GLI2: variants seen among roughly 807,000 people sequenced by gnomAD.
GLI2 encodes GLI family zinc finger 2.
GLI2 carries 22 observed loss-of-function variants against 78.9 expected under a neutral mutation model. That is an observed-to-expected ratio of 0.28 (90% CI 0.20 to 0.40). The LOEUF (loss-of-function observed/expected upper bound fraction) is 0.40. Ranked by LOEUF, GLI2 falls within the 10% of genes least tolerant of loss-of-function variation. The pLI is 1.00. For missense variants in GLI2, 2,097 were observed against 2,213.2 expected (o/e 0.95, Z 1.05); for synonymous variants, 974 against 963.7 (o/e 1.01, Z -0.20).
In GLI2 at chr2:120,990,064, C is replaced by T. The variant is rs763406790; in HGVS notation, c.4099C>T (p.Arg1367Cys). The change falls in exon 14 of 14, where the codon CGT becomes TGT. Residue 1367 changes from arginine (R) to cysteine (C), a missense_variant. By Grantham distance (180) the Arg-to-Cys change is radical. This residue lies in a region of GLI2 where 1,290 missense variants were observed against 1,261.7 expected (regional missense o/e 1.02). Transcript: ENST00000361492. The part of the protein sequence containing the change: ...PLEPSPTGRH[R>C]GVRAVQQQLA... ...CGAGCCCAGCCCCACTGGCCGCCAC[C>T]GTGGGGTACGTGCTGTGCAGCAGCA... is the stretch of plus-strand genomic sequence containing the variant. 7 of 1,599,902 alleles carry T rather than the reference C, an allele frequency of 4.4e-6. No homozygotes were observed. Among genetic ancestry groups the T allele is most frequent in the Non-Finnish European group, 6.0e-6 (7 of 1,172,390 alleles).
At chr2:120,906,378 C>T (rs1678534910) in intron 2 of GLI2, among the ~76,000 whole-genome samples, 1 of 152,152 alleles carries the variant, frequency 6.6e-6, no homozygotes, top group South Asian at 2.1e-4. Flanking sequence ...GGACTCCAGG[C>T]AGGCTGGAAA....
chr2:120,799,219 A>G (rs1684566967), intron 2 of GLI2, among the ~76,000 whole-genome samples: 1 of 152,180 alleles, frequency 6.6e-6, no homozygotes, highest in South Asian at 2.1e-4. Flanking sequence ...TTTGGAGTAC[A>G]GCACCTCCAC....
At chr2:120,860,446 T>A (rs1335183397) in intron 2 of GLI2, among the ~76,000 whole-genome samples, 1 of 152,224 alleles carries the variant, frequency 6.6e-6, no homozygotes, top group African/African-American at 2.4e-5. Context: ...TCAGGCCAGC[T>A]GTCAGTGTCC....
intron 2 of GLI2, among the ~76,000 whole-genome samples, chr2:120,831,137 A>T (rs1169149801): frequency 6.8e-6 from 1 of 147,954 alleles, no homozygotes; most frequent in Non-Finnish European, 1.5e-5. Context: ...GTCATTCTCC[A>T]TGTTTGTCCT....
rs538533199 is a variant in GLI2, at chr2:120,845,679, G to A, written c.148+48211G>A. Among the ~76,000 whole-genome samples the A allele has an allele frequency of 7.9e-5, 12 of 152,288 alleles. No homozygotes were observed. In the South Asian group the frequency reaches 2.3e-3, roughly 29 times the overall value. On this transcript the variant is annotated intron_variant, in intron 2 of 13. Transcript: ENST00000361492. ...GGCTCATTCTACCACTAATGAACTC[G>A]GGACACTGCCTGGACTCTTTCCTGA...
At chr2:120,748,133 A>C (rs1682747838) in intron 1 of GLI2, among the ~76,000 whole-genome samples, 1 of 152,214 alleles carries the variant, frequency 6.6e-6, no homozygotes, top group East Asian at 1.9e-4. Flanking sequence ...TGATCTGGAA[A>C]GGCATCATGG....
At chr2:120,954,045 C>T (rs563938013) in intron 4 of GLI2, among the ~76,000 whole-genome samples, 11 of 152,168 alleles carry the variant, frequency 7.2e-5, no homozygotes, top group Non-Finnish European at 1.5e-4. Flanking sequence ...CCCTGACTCC[C>T]ACAGGAAGTA....
chr2:120,820,247 T>C (rs900338236), intron 2 of GLI2, among the ~76,000 whole-genome samples: 5 of 152,196 alleles, frequency 3.3e-5, no homozygotes, highest in South Asian at 2.1e-4. Context: ...GGGGGCCAAT[T>C]TCTCCTCCTC....
chr2:120,924,556 C>CAT (rs1433504161), intron 2 of GLI2, among the ~76,000 whole-genome samples: 2 of 151,856 alleles, frequency 1.3e-5, no homozygotes. Context: ...CACACACACA[C>CAT]ACACACATAC....
At chr2:120,765,560 A>G (rs1298785514) in intron 1 of GLI2, among the ~76,000 whole-genome samples, 3 of 152,218 alleles carry the variant, frequency 2.0e-5, no homozygotes, top group Non-Finnish European at 4.4e-5. Context: ...GTCTGTACCC[A>G]GGCCGGGGCT....
At position 120,988,398 on chromosome 2, in the gene GLI2, C is replaced by G. The variant is rs751176009; in HGVS notation, c.2433C>G (p.Pro811=). The stretch of plus-strand genomic sequence containing the variant: ...GCCGCCGCTCCTCCGGCATCTCCCC[C>G]TACTTCTCCAGCCGCCGCTCCAGCG... ...TVSRRSSGIS[P]YFSSRRSSEA... Residue 811 remains proline (P), a synonymous_variant, in exon 14 of 14, where the codon CCC becomes CCG. Coordinates refer to ENST00000361492, the MANE Select transcript of GLI2 (RefSeq NM_001374353.1). The G allele has an allele frequency of 1.0e-5, 16 of 1,574,068 alleles. No individual in the cohort carries two copies. Among genetic ancestry groups the G allele is most frequent in the Non-Finnish European group, 1.2e-5 (14 of 1,170,126 alleles).
chr2:120,873,195 T>A (rs1688558207), intron 2 of GLI2, among the ~76,000 whole-genome samples: 1 of 152,252 alleles, frequency 6.6e-6, no homozygotes, highest in Non-Finnish European at 1.5e-5. Flanking sequence ...CTCAAACTTT[T>A]TGGTCTCAGG....
chr2:120,737,791 T>A lies in GLI2; in HGVS notation c.-31+1506T>A, dbSNP rs1682414657. Among the ~76,000 whole-genome samples, 1 of 152,184 alleles carries A rather than the reference T, an allele frequency of 6.6e-6. No homozygotes were observed. Among genetic ancestry groups the A allele is most frequent in the South Asian group, 2.1e-4 (1 of 4,824 alleles). On this transcript the variant is annotated intron_variant, in intron 1 of 13. Transcript: ENST00000361492. This position sits in a 1 kb window ranked among gnomAD's most constrained non-coding sequence, Gnocchi z 4.3. ...CGTTTCCCTCGCAAGCAGCATAAAATAGTGTTTAAACAAATATTGTATTGG... is the reference window on the plus strand; with the variant it reads ...CGTTTCCCTCGCAAGCAGCATAAAAAAGTGTTTAAACAAATATTGTATTGG...
Position 120,949,321 on chromosome 2 carries a change from A to T in GLI2, c.255-1922A>T, listed in dbSNP as rs369437001. On this transcript the variant is annotated intron_variant, in intron 3 of 13. Transcript: ENST00000361492. ...GAGGTTGTGACTTGTGACTTATTCC[A>T]CAGTCTCCCTCCCATTGAGCTCAGT... Among the ~76,000 whole-genome samples the T allele has an allele frequency of 1.1e-4, 16 of 152,306 alleles. No individual in the cohort carries two copies. The South Asian group carries it at 2.3e-3, about 22-fold the overall frequency.
chr2:120,869,001 G>T (rs903525945), intron 2 of GLI2, among the ~76,000 whole-genome samples: 1 of 152,230 alleles, frequency 6.6e-6, no homozygotes, highest in Non-Finnish European at 1.5e-5. Context: ...ATGACCAGGT[G>T]GTTGTGTGGG....
chr2:120,869,410 G>GC (rs1688316571), intron 2 of GLI2, among the ~76,000 whole-genome samples: 1 of 152,114 alleles, frequency 6.6e-6, no homozygotes, highest in Non-Finnish European at 1.5e-5. Context: ...CCCCTAGCTA[G>GC]CCCCATCACA....
chr2:120,982,318 A>C (rs968287540), intron 10 of GLI2, among the ~76,000 whole-genome samples: 8 of 152,208 alleles, frequency 5.3e-5, no homozygotes, highest in Non-Finnish European at 1.2e-4. Flanking sequence ...TCTAACCGAG[A>C]GTGGTACTGG....
intron 2 of GLI2, among the ~76,000 whole-genome samples, chr2:120,867,611 AGGAC>A (rs1309088561): frequency 6.6e-6 from 1 of 152,170 alleles, no homozygotes; most frequent in Non-Finnish European, 1.5e-5. Flanking sequence ...AAGTTGAAGG[AGGAC>A]GGCAGCTTTT....
chr2:120,985,889 T>A (rs1558937853), intron 12 of GLI2, among the ~76,000 whole-genome samples: 1 of 152,220 alleles, frequency 6.6e-6, no homozygotes, highest in Non-Finnish European at 1.5e-5. Flanking sequence ...TCATCCTGTC[T>A]GGTTGAAGCC....
Sources: gnomAD v4.1 joint callset for allele counts (sites outside exome capture counted in the v4.1 genomes callset) on GRCh38, gnomAD v4.1.1 for gene constraint, gnomAD v4.1.1 regional missense constraint, Gnocchi (gnomAD v3.1) non-coding constraint, MANE v1.5 for transcripts, NCBI Gene and HGNC (gene_info 2026-07-23, HGNC 2026-07-21) for gene names.